Variants in ASB13 observed in about 807,000 individuals in gnomAD.
ASB13 encodes the protein ankyrin repeat and SOCS box protein 13.
In ASB13, 33 loss-of-function variants were observed where a neutral mutation model predicts 28.8. The ratio of observed to expected loss-of-function variants is 1.15; its 90% CI spans 0.87 to 1.53. The LOEUF is 1.53. ASB13 is among the 40% of genes most tolerant of loss of function. The pLI is 0.00. For synonymous variants in ASB13, 182 were observed against 172.9 expected, an observed-to-expected ratio of 1.05 and a Z score of -0.41; for missense variants, 414 against 390.1, an observed-to-expected ratio of 1.06 and a Z score of -0.52.
rs994869902 is a variant in ASB13 at position 5,644,207 on chromosome 10, T to C, written c.518-2246A>G. ...ATCAGCTATGTTCATTAAAAATATA[T>C]GCTTGGGCCAGGTACAGGGCTCACG... On this transcript the variant is annotated intron_variant, in intron 4 of 5. Transcript: ENST00000357700. This position sits in a 1 kb window ranked among gnomAD's most constrained non-coding sequence, Gnocchi z 5.1. Among the ~76,000 whole-genome samples, 8 of 152,216 alleles carry C rather than the reference T, an allele frequency of 5.3e-5. No individual in the cohort carries two copies. Among genetic ancestry groups the C allele is most frequent in the African/African-American group, 1.9e-4 (8 of 41,450 alleles).
In ASB13 at chr10:5,641,915, G is replaced by A. The variant is rs756165356; in HGVS notation, c.564C>T (p.His188=). 8.1e-6 allele frequency: 13 copies of A among 1,613,284 alleles called. No individual in the cohort carries two copies. The highest frequency in any genetic ancestry group is 4.4e-5 in the South Asian group (4 of 91,054). ...GGTCAACATTCTTGACCTTGGCCGC[G>A]TGGTGAAGGGCAGTCTCATGAAGCT... ...AAKLHETALH[H]AAKVKNVDLI... The change falls in exon 5 of 6, where the codon CAC becomes CAT. Residue 188 remains histidine, a synonymous_variant. Transcript: ENST00000357700. The surrounding 1 kb of genome is among the most constrained non-coding windows in gnomAD (Gnocchi z 8.4).
intron 1 of ASB13, among the ~76,000 whole-genome samples, chr10:5,654,248 G>T (rs1230561445): frequency 6.6e-6 from 1 of 151,456 alleles, no homozygotes; most frequent in Non-Finnish European, 1.5e-5. Flanking sequence ...CTGCGAAGAG[G>T]CCTCCAAGCT....
Position 5,642,723 on chromosome 10 carries a change from T to C in ASB13, c.518-762A>G, listed in dbSNP as rs1834829132. On this transcript the variant is annotated intron_variant, in intron 4 of 5. Transcript: ENST00000357700. The surrounding 1 kb of genome is among the most constrained non-coding windows in gnomAD (Gnocchi z 4.1). ...GTGCAGTGACATGATCTCGGCTCAC[T>C]GCAACCTCCGCCTCCAGGGTTCAAG... 2.0e-5 allele frequency among the ~76,000 whole-genome samples: 3 copies of C among 151,628 alleles called. No homozygotes were observed. Among genetic ancestry groups the C allele is most frequent in the Admixed American group, 2.0e-4 (3 of 15,242 alleles).
At position 5,651,897 on chromosome 10, in the gene ASB13, G is replaced by C. The variant is rs1399457261; in HGVS notation, c.232-534C>G. On this transcript the variant is annotated intron_variant, in intron 2 of 5. Coordinates refer to ENST00000357700, the MANE Select transcript of ASB13 (RefSeq NM_024701.4). This position sits in a 1 kb window ranked among gnomAD's most constrained non-coding sequence, Gnocchi z 5.1. ...TGCACCTATAGTCCCAGCTACCCAG[G>C]AGGCTGAGGTGGAAGGATCACTTGA... 6.6e-6 allele frequency among the ~76,000 whole-genome samples: 1 copy of C among 151,174 alleles called. No individual in the cohort carries two copies.
intron 1 of ASB13, among the ~76,000 whole-genome samples, chr10:5,662,532 A>AGC (rs1238318808): frequency 5.7e-5 from 1 of 17,618 alleles, no homozygotes; most frequent in Admixed American, 5.8e-4. Flanking sequence ...TCTGTCGAGA[A>AGC]GGGGGGGGGA....
rs1290015502 is a variant in ASB13 at position 5,642,591 on chromosome 10, A to T, written c.518-630T>A. On this transcript the variant is annotated intron_variant, in intron 4 of 5. Transcript: ENST00000357700. The surrounding 1 kb of genome is among the most constrained non-coding windows in gnomAD (Gnocchi z 4.1). ...AAAGGTAAAAAAAAATTTTTTTTTA[A>T]AAAAAAGAGCAGACATTCAGAAAGA... is the stretch of plus-strand genomic sequence containing the variant. 1 of 1,069,108 alleles carries T rather than the reference A, an allele frequency of 9.4e-7. No homozygotes were observed. Among genetic ancestry groups the T allele is most frequent in the Non-Finnish European group, 1.2e-6 (1 of 816,512 alleles). 66.2% of individuals were successfully genotyped at this position (1,069,108 alleles called of 1,614,324 possible). A position where few individuals can be genotyped will look rare whatever the true frequency, so the allele number is the denominator to read the frequency against.
rs765017571 is a variant in ASB13, at chr10:5,640,783, C to T, written c.757G>A (p.Ala253Thr). 1.2e-6 allele frequency: 2 copies of T among 1,614,150 alleles called. No homozygotes were observed. Among genetic ancestry groups the T allele is most frequent in the Non-Finnish European group, 1.7e-6 (2 of 1,180,016 alleles). Residue 253 changes from alanine to threonine, a missense_variant, in exon 6 of 6, where the codon GCC becomes ACC. Physicochemically the swap from Ala to Thr is moderately conservative, Grantham distance 58 (BLOSUM62 0). Coordinates refer to ENST00000357700, the MANE Select transcript of ASB13 (RefSeq NM_024701.4). ...TTCTCCAGCCCTCGGACGCCAGTGGCCTTCCTCAAGTTCACCCTGCAGAGC... is the reference window on the plus strand; with the variant it reads ...TTCTCCAGCCCTCGGACGCCAGTGGTCTTCCTCAAGTTCACCCTGCAGAGC... ...SQLCRVNLRK[A>T]TGVRGLEKIA...
intron 1 of ASB13, among the ~76,000 whole-genome samples, chr10:5,653,634 T>G (rs72772148): frequency 0.095 from 14,463 of 152,048 alleles, 1,169 homozygotes; most frequent in East Asian, 0.45. Flanking sequence ...ATCATTTAAC[T>G]TCTTCCTTTC....
At position 5,661,109 on chromosome 10, in the gene ASB13, CG is replaced by C. The variant is rs1235543819; in HGVS notation, c.43+5399del. 1.3e-5 allele frequency among the ~76,000 whole-genome samples: 2 copies of C among 152,248 alleles called. No homozygotes were observed. Among genetic ancestry groups the C allele is most frequent in the Non-Finnish European group, 1.5e-5 (1 of 68,046 alleles). Reference sequence around the variant, plus strand: ...GTCATCCCAGAGCCAGAGCCCCACTCGTTGGGCCCAAGTGGCAGCTCTGTGC... The same window carrying C: ...GTCATCCCAGAGCCAGAGCCCCACTCTTGGGCCCAAGTGGCAGCTCTGTGC... On this transcript the variant is annotated intron_variant, in intron 1 of 5. Transcript: ENST00000357700. This position sits in a 1 kb window ranked among gnomAD's most constrained non-coding sequence, Gnocchi z 4.9.
chr10:5,651,488 G>T lies in ASB13; in HGVS notation c.232-125C>A. 1.8e-6 allele frequency: 2 copies of T among 1,127,644 alleles called. No homozygotes were observed. Among genetic ancestry groups the T allele is most frequent in the Non-Finnish European group, 2.5e-6 (2 of 812,432 alleles). The allele number at this position is 1,127,644 out of a possible 1,614,324, so 69.9% of individuals were successfully genotyped here. On this transcript the variant is annotated intron_variant, in intron 2 of 5. Transcript: ENST00000357700. The surrounding 1 kb of genome is among the most constrained non-coding windows in gnomAD (Gnocchi z 5.1). ...AAGCACCGGTTTGCTTTGCTATTAT[G>T]TGCTAGGCAACGACACTGAAAGAGA...
Position 5,652,877 on chromosome 10 carries a change from CCAG to C in ASB13, c.214_216del (p.Leu72del). 1.3e-6 allele frequency: 2 copies of C among 1,553,818 alleles called. No individual in the cohort carries two copies. The highest frequency in any genetic ancestry group is 1.9e-5 in the Admixed American group (1 of 52,820). ...GGGCCACTCACCTGGGCCCCAGCCGCCAGCAGCAGCTGCACACACCGCGCCTGG... is the reference window on the plus strand; with the variant it reads ...GGGCCACTCACCTGGGCCCCAGCCGCCAGCAGCTGCACACACCGCGCCTGG... On this transcript the variant is annotated inframe_deletion, in exon 2 of 6. Transcript: ENST00000357700. This position sits in a 1 kb window ranked among gnomAD's most constrained non-coding sequence, Gnocchi z 5.0.
chr10:5,644,921 T>C lies in ASB13; in HGVS notation c.518-2960A>G, dbSNP rs901492358. On this transcript the variant is annotated intron_variant, in intron 4 of 5. Transcript: ENST00000357700. The surrounding 1 kb of genome is among the most constrained non-coding windows in gnomAD (Gnocchi z 5.1). ...GTAACTTTGTGTGAAGCAAGGATGG[T>C]AACATACCTTGAACTGAGAGGCAAG... Among the ~76,000 whole-genome samples the C allele has an allele frequency of 2.0e-5, 3 of 151,906 alleles. No homozygotes were observed. The highest frequency in any genetic ancestry group is 7.3e-5 in the African/African-American group (3 of 41,306).
At position 5,652,908 on chromosome 10, in the gene ASB13, C is replaced by A. The variant is rs868103493; in HGVS notation, c.186G>T (p.Gln62His). The part of the protein sequence containing the change: ...SITPLHAASL[Q>H]GQARCVQLLL... ...GCAGCTGCACACACCGCGCCTGGCC[C>A]TGCAGACTGGCTGCGTGCAGGGGCG... The change falls in exon 2 of 6, where the codon CAG becomes CAT. Residue 62 changes from glutamine to histidine, a missense_variant. By Grantham distance (24) the Gln-to-His change is conservative. Coordinates refer to ENST00000357700, the MANE Select transcript of ASB13 (RefSeq NM_024701.4). The surrounding 1 kb of genome is among the most constrained non-coding windows in gnomAD (Gnocchi z 5.0). 6.3e-7 allele frequency: 1 copy of A among 1,584,912 alleles called. No individual in the cohort carries two copies. Among genetic ancestry groups the A allele is most frequent in the East Asian group, 2.3e-5 (1 of 43,746 alleles).
intron 1 of ASB13, among the ~76,000 whole-genome samples, chr10:5,653,851 T>G (rs1835029687): frequency 6.6e-6 from 1 of 152,052 alleles, no homozygotes; most frequent in South Asian, 2.1e-4. Context: ...CCAGCTAATT[T>G]TTCTATTTTC....
intron 1 of ASB13, among the ~76,000 whole-genome samples, chr10:5,662,656 T>C (rs1327692543): frequency 7.0e-6 from 1 of 142,488 alleles, no homozygotes; most frequent in Non-Finnish European, 1.5e-5. Flanking sequence ...CCTGGATGAT[T>C]AACACTCCCA....
rs1302202371 is a variant in ASB13 at position 5,649,254 on chromosome 10, T to G, written c.383-150A>C. The G allele has an allele frequency of 5.6e-6, 6 of 1,080,102 alleles. No individual in the cohort carries two copies. The highest frequency in any genetic ancestry group is 6.7e-6 in the Non-Finnish European group (5 of 746,188). 66.9% of individuals were successfully genotyped at this position (1,080,102 alleles called of 1,614,324 possible). A position where few individuals can be genotyped will look rare whatever the true frequency, so the allele number is the denominator to read the frequency against. ...GCGTCCCAACCTAGGGAGGAGTTCA[T>G]GACCCGCATGGCCCTCAGGAAGCCA... is the stretch of plus-strand genomic sequence containing the variant. On this transcript the variant is annotated intron_variant, in intron 3 of 5. Coordinates refer to ENST00000357700, the MANE Select transcript of ASB13 (RefSeq NM_024701.4). This position sits in a 1 kb window ranked among gnomAD's most constrained non-coding sequence, Gnocchi z 6.4.
At position 5,656,541 on chromosome 10, in the gene ASB13, G is replaced by GAAAAA. The variant is rs35585377; in HGVS notation, c.44-3496_44-3492dup. ...GCAACCGAGCAAGACTCCGTCTCAA[G>GAAAAA]AAAAAAAAAAAAAGTCTGTAGCAGT... On this transcript the variant is annotated intron_variant, in intron 1 of 5. Coordinates refer to ENST00000357700, the MANE Select transcript of ASB13 (RefSeq NM_024701.4). This position sits in a 1 kb window ranked among gnomAD's most constrained non-coding sequence, Gnocchi z 4.3. Among the ~76,000 whole-genome samples, 3 of 142,448 alleles carry GAAAAA rather than the reference G, an allele frequency of 2.1e-5. No individual in the cohort carries two copies. Among genetic ancestry groups the GAAAAA allele is most frequent in the Non-Finnish European group, 3.1e-5 (2 of 64,658 alleles). 93.5% of individuals were successfully genotyped at this position (142,448 alleles called of 152,430 possible). A position where few individuals can be genotyped will look rare whatever the true frequency, so the allele number is the denominator to read the frequency against.
chr10:5,663,690 C>A lies in ASB13; in HGVS notation c.43+2819G>T, dbSNP rs1835209552. Reference sequence around the variant, plus strand: ...AGGAGGATAGAGGTACTGTTTTGCCCATAAACATGCTTCCTAAGCCTTTGT... The same window carrying A: ...AGGAGGATAGAGGTACTGTTTTGCCAATAAACATGCTTCCTAAGCCTTTGT... On this transcript the variant is annotated intron_variant, in intron 1 of 5. Coordinates refer to ENST00000357700, the MANE Select transcript of ASB13 (RefSeq NM_024701.4). This position sits in a 1 kb window ranked among gnomAD's most constrained non-coding sequence, Gnocchi z 4.9. Among the ~76,000 whole-genome samples the A allele has an allele frequency of 6.6e-6, 1 of 152,194 alleles. No individual in the cohort carries two copies. Among genetic ancestry groups the A allele is most frequent in the Non-Finnish European group, 1.5e-5 (1 of 68,028 alleles).
At position 5,661,220 on chromosome 10, in the gene ASB13, C is replaced by G. The variant is rs1835160419; in HGVS notation, c.43+5289G>C. Among the ~76,000 whole-genome samples the G allele has an allele frequency of 1.3e-5, 2 of 152,140 alleles. No individual in the cohort carries two copies. The highest frequency in any genetic ancestry group is 4.1e-4 in the South Asian group (2 of 4,826). On this transcript the variant is annotated intron_variant, in intron 1 of 5. Transcript: ENST00000357700. The surrounding 1 kb of genome is among the most constrained non-coding windows in gnomAD (Gnocchi z 4.9). Reference sequence around the variant, plus strand: ...TGCACACTGCAGAGCTGGGCACCTCCAGAGCCCATCCTCCACACTGCCCTG... The same window carrying G: ...TGCACACTGCAGAGCTGGGCACCTCGAGAGCCCATCCTCCACACTGCCCTG...
Sources: allele counts gnomAD v4.1 joint callset (sites outside exome capture counted in the v4.1 genomes callset), GRCh38; gene constraint gnomAD v4.1.1; non-coding constraint Gnocchi (gnomAD v3.1); transcripts MANE v1.5; gene names NCBI Gene and HGNC (gene_info 2026-07-23, HGNC 2026-07-21).